COASY: variants seen among roughly 807,000 people sequenced by gnomAD.
COASY encodes the protein bifunctional coenzyme A synthase.
COASY carries 31 observed loss-of-function variants against 49.4 expected under a neutral mutation model. That is an observed-to-expected ratio of 0.63 (90% CI 0.47 to 0.85). The LOEUF is 0.85. COASY is among the 40% of genes least tolerant of loss of function. The pLI is 0.00. For missense variants in COASY, 730 were observed against 734.1 expected (o/e 0.99, Z 0.06); for synonymous variants, 285 against 310.9 (o/e 0.92, Z 0.88).
At position 42,566,116 on chromosome 17, in the gene COASY, A is replaced by G. The variant is rs985800435; in HGVS notation, c.*148A>G. On this transcript the variant is annotated 3_prime_UTR_variant, in exon 9 of 9. Transcript: ENST00000393818. ...CATGGCCAGGCCTGGTGGACACAGG[A>G]AGCCTACCCAACACGCTGGTATTTG... 13 of 777,318 alleles carry G rather than the reference A, an allele frequency of 1.7e-5. No individual in the cohort carries two copies. The highest frequency in any genetic ancestry group is 2.3e-5 in the Non-Finnish European group (11 of 474,684). The allele number at this position is 777,318 out of a possible 1,614,324, so 48.2% of individuals were successfully genotyped here.
At chr17:42,565,373 G>A in intron 6 of COASY, 62 bp downstream of exon 6, 1 of 1,607,858 alleles carries the variant, frequency 6.2e-7, no homozygotes, top group Admixed American at 1.7e-5. Context: ...TCCCCTGGGA[G>A]CTTCCCTGCC....
rs1036312813 is a variant in COASY at position 42,562,160 on chromosome 17, G to A, written c.-463G>A. The A allele has an allele frequency of 8.3e-6, 4 of 480,856 alleles. No homozygotes were observed. The highest frequency in any genetic ancestry group is 4.0e-5 in the African/African-American group (2 of 49,924). 29.8% of individuals were successfully genotyped at this position (480,856 alleles called of 1,614,324 possible). A position where few individuals can be genotyped will look rare whatever the true frequency, so the allele number is the denominator to read the frequency against. ...TTGCGGTTTCTCCGTTAGTGCTTCC[G>A]GGTTGCAGCCAGGGAAGCCTCCGCG... On this transcript the variant is annotated 5_prime_UTR_variant, in exon 1 of 9. Transcript: ENST00000393818.
At position 42,564,377 on chromosome 17, in the gene COASY, C is replaced by T. The variant is rs757515358; in HGVS notation, c.916-69C>T. The T allele has an allele frequency of 1.0e-5, 16 of 1,602,854 alleles. 1 individual carries two copies. The highest frequency in any genetic ancestry group is 3.3e-5 in the South Asian group (3 of 90,288). The stretch of plus-strand genomic sequence containing the variant: ...GGGTAGGAAGGGGAGGATGGGGGGG[C>T]AGGTTGGATGTCAGGGTCTTCCTCT... On this transcript the variant is annotated intron_variant, in intron 2 of 8. Transcript: ENST00000393818.
intron 1 of COASY, 105 bp downstream of exon 1, chr17:42,563,427 C>T: frequency 9.0e-7 from 1 of 1,105,400 alleles, no homozygotes; most frequent in African/African-American, 1.6e-5. Flanking sequence ...TTACTTCCCA[C>T]CCTTCCCAAA....
Position 42,564,137 on chromosome 17 carries a change from C to T in COASY, c.877C>T (p.Arg293Cys), listed in dbSNP as rs755520740. The change falls in exon 2 of 9, where the codon CGT (arginine) becomes TGT (cysteine). Residue 293 changes from arginine to cysteine, a missense_variant. By Grantham distance (180) the Arg-to-Cys change is radical. Coordinates refer to ENST00000393818, the MANE Select transcript of COASY (RefSeq NM_025233.7). ...CCTGGTGGTCAGCGAGGAGACCTAT[C>T]GTGGGGGGATGGCCATCAACCGCTT... ...EFLVVSEETY[R>C]GGMAINRFRL... 13 of 1,614,068 alleles carry T rather than the reference C, an allele frequency of 8.1e-6. No individual in the cohort carries two copies. Among genetic ancestry groups the T allele is most frequent in the East Asian group, 6.7e-5 (3 of 44,870 alleles).
chr17:42,562,628 C>T lies in COASY; in HGVS notation c.6C>T (p.Ala2=), dbSNP rs747362210. 21 of 1,525,598 alleles carry T rather than the reference C, an allele frequency of 1.4e-5. No homozygotes were observed. In the South Asian group the frequency reaches 2.4e-4, roughly 18 times the overall value. 94.5% of individuals were successfully genotyped at this position (1,525,598 alleles called of 1,614,324 possible). A position where few individuals can be genotyped will look rare whatever the true frequency, so the allele number is the denominator to read the frequency against. M[A]VFRSGLLVLT... is the part of the protein sequence containing the mutation. Reference sequence around the variant, plus strand: ...TGTCCGCAGGCCTGGGCAGCATGGCCGTATTCCGGTCGGGTCTCCTGGTGC... The same window carrying T: ...TGTCCGCAGGCCTGGGCAGCATGGCTGTATTCCGGTCGGGTCTCCTGGTGC... The change falls in exon 1 of 9, where the codon GCC becomes GCT. Residue 2 remains alanine (A), a synonymous_variant. Coordinates refer to ENST00000393818, the MANE Select transcript of COASY (RefSeq NM_025233.7).
chr17:42,564,006 A>G lies in COASY; in HGVS notation c.746A>G (p.Glu249Gly), dbSNP rs2092989812. 1.2e-6 allele frequency: 2 copies of G among 1,613,994 alleles called. No individual in the cohort carries two copies. The highest frequency in any genetic ancestry group is 1.7e-6 in the Non-Finnish European group (2 of 1,179,950). Residue 249 changes from glutamate (E) to glycine (G), a missense_variant, in exon 2 of 9, where the codon GAA becomes GGA. Transcript: ENST00000393818. Reference protein sequence around the residue: ...ELLQPYTERVEHLSEFLVDIK... With the variant: ...ELLQPYTERVGHLSEFLVDIK... ...CTCCAACCTTATACAGAACGTGTGG[A>G]ACATCTGAGTGAATTCCTGGTGGAC...
Position 42,562,382 on chromosome 17 carries a change from G to C in COASY, c.-241G>C. 1.2e-6 allele frequency: 2 copies of C among 1,610,134 alleles called. No individual in the cohort carries two copies. Among genetic ancestry groups the C allele is most frequent in the East Asian group, 2.2e-5 (1 of 44,850 alleles). ...TTCCCCCTCCCAGGATTTCGACTCA[G>C]TTCAGCGAAGTCACCGCCCCGTCTG... On this transcript the variant is annotated 5_prime_UTR_variant, in exon 1 of 9. Transcript: ENST00000393818.
rs149996795 is a variant in COASY, at chr17:42,564,856, G to C, written c.1195G>C (p.Gly399Arg). 7.4e-5 allele frequency: 117 copies of C among 1,591,210 alleles called. No individual in the cohort carries two copies. In the African/African-American group the frequency reaches 1.5e-3, roughly 21 times the overall value. ...CCTGGGTCATCGGGCCTATGCCCCA[G>C]GTGGCCCTGCCTACCAGCCTGTGGT... Reference protein sequence around the residue: ...DHLGHRAYAPGGPAYQPVVEA... With the variant: ...DHLGHRAYAPRGPAYQPVVEA... The change falls in exon 4 of 9, where the codon GGT becomes CGT. Residue 399 changes from glycine to arginine, a missense_variant. By Grantham distance (125) the Gly-to-Arg change is moderately radical. Transcript: ENST00000393818.
rs773567120 is a variant in COASY at position 42,565,706 on chromosome 17, T to C, written c.1533T>C (p.Ala511=). 2 of 1,613,982 alleles carry C rather than the reference T, an allele frequency of 1.2e-6. No homozygotes were observed. Among genetic ancestry groups the C allele is most frequent in the East Asian group, 4.5e-5 (2 of 44,884 alleles). ...VERDGLSEAA[A]QSRLQSQMSG... ...GGGATGGCCTCAGTGAAGCCGCGGC[T>C]CAAAGCCGGCTGCAGAGCCAGATGA... is the stretch of plus-strand genomic sequence containing the variant. The change falls in exon 8 of 9, where the codon GCT becomes GCC. Residue 511 remains alanine (A), a synonymous_variant. Coordinates refer to ENST00000393818, the MANE Select transcript of COASY (RefSeq NM_025233.7).
At chr17:42,563,436 A>G (rs1260976494) in intron 1 of COASY, 114 bp downstream of exon 1, 17 of 1,015,394 alleles carry the variant, frequency 1.7e-5, no homozygotes, top group Non-Finnish European at 9.8e-6. Context: ...ACCCTTCCCA[A>G]ATGTCACAGT....
In COASY at chr17:42,562,475, C is replaced by T. The variant is rs760282616; in HGVS notation, c.-148C>T. On this transcript the variant is annotated 5_prime_UTR_variant, in exon 1 of 9. Coordinates refer to ENST00000393818, the MANE Select transcript of COASY (RefSeq NM_025233.7). ...CGTCTACCAGGCCCCGTCCCCTCCC[C>T]CGGCTCCTGTCGGTCAGCACTGAAA... is the stretch of plus-strand genomic sequence containing the variant. The T allele has an allele frequency of 1.9e-6, 3 of 1,613,848 alleles. No individual in the cohort carries two copies. Among genetic ancestry groups the T allele is most frequent in the South Asian group, 2.2e-5 (2 of 91,088 alleles).
In COASY at chr17:42,563,159, C is replaced by T. The variant is rs779974186; in HGVS notation, c.537C>T (p.Pro179=). The T allele has an allele frequency of 6.8e-6, 11 of 1,613,866 alleles. No individual in the cohort carries two copies. In the Admixed American group the frequency reaches 1.5e-4, roughly 22 times the overall value. ...PLPSTIRPAS[P]VAGSPKQPVR... is the part of the protein sequence containing the mutation. ...CCTCCACGATCAGGCCAGCTTCCCC[C>T]GTGGCCGGGTCTCCAAAGCAGCCGG... Residue 179 remains proline, a synonymous_variant, in exon 1 of 9, where the codon CCC becomes CCT. Coordinates refer to ENST00000393818, the MANE Select transcript of COASY (RefSeq NM_025233.7).
rs1296564123 is a variant in COASY at position 42,565,779 on chromosome 17, T to G, written c.1606T>G (p.Trp536Gly). 2 of 1,613,896 alleles carry G rather than the reference T, an allele frequency of 1.2e-6. No homozygotes were observed. The highest frequency in any genetic ancestry group is 1.7e-6 in the Non-Finnish European group (2 of 1,180,026). ...EQSHVVLSTL[W>G]EPHITQRQVE... ...GAGCCACGTGGTGCTCAGCACCTTGTGGGAGCCGCATATCACCCAACGCCA... is the reference window on the plus strand; with the variant it reads ...GAGCCACGTGGTGCTCAGCACCTTGGGGGAGCCGCATATCACCCAACGCCA... The change falls in exon 8 of 9, where the codon TGG becomes GGG. Residue 536 changes from tryptophan (W) to glycine (G), a missense_variant. By Grantham distance (184) the Trp-to-Gly change is radical. Coordinates refer to ENST00000393818, the MANE Select transcript of COASY (RefSeq NM_025233.7).
intron 1 of COASY, 85 bp downstream of exon 1, chr17:42,563,407 G>GGGCC (rs2092987505): frequency 2.3e-6 from 3 of 1,311,862 alleles, no homozygotes; most frequent in Non-Finnish European, 3.1e-6. Flanking sequence ...AGGAAGGGTA[G>GGGCC]GGCCATTCAT....
In COASY at chr17:42,562,450, C is replaced by G. The variant is rs370095840; in HGVS notation, c.-173C>G. 2.0e-5 allele frequency: 33 copies of G among 1,613,772 alleles called. No homozygotes were observed. Among genetic ancestry groups the G allele is most frequent in the Non-Finnish European group, 2.5e-5 (30 of 1,179,886 alleles). On this transcript the variant is annotated 5_prime_UTR_variant, in exon 1 of 9. Coordinates refer to ENST00000393818, the MANE Select transcript of COASY (RefSeq NM_025233.7). ...GGCTTAGAGCACAGCCCCGAGGCGC[C>G]GTCTACCAGGCCCCGTCCCCTCCCC... is the stretch of plus-strand genomic sequence containing the variant.
Position 42,562,582 on chromosome 17 carries a change from C to G in COASY, c.-41C>G, listed in dbSNP as rs1046803305. The G allele has an allele frequency of 1.3e-6, 2 of 1,550,250 alleles. No homozygotes were observed. On this transcript the variant is annotated 5_prime_UTR_variant, in exon 1 of 9. Transcript: ENST00000393818. Reference sequence around the variant, plus strand: ...GCCTCGGCCGCAGGCCCTTCAGTCACCGTCGCCTCGTCTCCCTGACTGTCC... The same window carrying G: ...GCCTCGGCCGCAGGCCCTTCAGTCAGCGTCGCCTCGTCTCCCTGACTGTCC...
chr17:42,564,369 T>TG (rs763077348), intron 2 of COASY, 77 bp from the exon 3 acceptor site: 37 of 1,582,238 alleles, frequency 2.3e-5, no homozygotes, highest in South Asian at 3.3e-5. Context: ...AAGGGGAGGA[T>TG]GGGGGGGCAG....
chr17:42,565,514 C>A lies in COASY; in HGVS notation c.1431C>A (p.Ala477=). ...TTGATGCCGCTGTGTTGCTTGAAGC[C>A]GGCTGGCAGAACCTGGTCCATGAGG... ...CVIDAAVLLE[A]GWQNLVHEVW... Residue 477 remains alanine, a synonymous_variant, in exon 7 of 9, where the codon GCC becomes GCA. Coordinates refer to ENST00000393818, the MANE Select transcript of COASY (RefSeq NM_025233.7). The A allele has an allele frequency of 1.2e-6, 2 of 1,614,154 alleles. No homozygotes were observed. The highest frequency in any genetic ancestry group is 1.7e-6 in the Non-Finnish European group (2 of 1,180,028).
Sources: allele counts gnomAD v4.1 joint callset, GRCh38; gene constraint gnomAD v4.1.1; transcripts MANE v1.5; gene names NCBI Gene and HGNC (gene_info 2026-07-23, HGNC 2026-07-21).